Variants in ANGPT1 observed in about 807,000 individuals in gnomAD.
ANGPT1 encodes angiopoietin-1.
Under a neutral mutation model 62.2 loss-of-function variants are expected in ANGPT1, and 17 were observed. That is an observed-to-expected ratio of 0.27 (90% confidence interval 0.19 to 0.41). ANGPT1 has a LOEUF of 0.41. Among genes scored for constraint, ANGPT1 ranks in the 10% least tolerant of loss-of-function variants. The pLI is 1.00. For synonymous variants in ANGPT1, 199 were observed against 198.9 expected (o/e 1.00, Z 0.00); for missense variants, 478 against 594.9 (o/e 0.80, Z 2.04).
intron 1 of ANGPT1, among the ~76,000 whole-genome samples, chr8:107,449,882 C>T (rs1811723741): frequency 6.6e-6 from 1 of 152,042 alleles, no homozygotes; most frequent in African/African-American, 2.4e-5. Context: ...AACTTACTAT[C>T]AAATAATTTT....
intron 1 of ANGPT1, among the ~76,000 whole-genome samples, chr8:107,348,938 C>T (rs1432405269): frequency 6.6e-6 from 1 of 152,152 alleles, no homozygotes; most frequent in African/African-American, 2.4e-5. Context: ...AAAGACATCA[C>T]AAGCAAGGCC....
At chr8:107,494,327 T>A (rs1343765035) in intron 1 of ANGPT1, among the ~76,000 whole-genome samples, 1 of 152,124 alleles carries the variant, frequency 6.6e-6, no homozygotes, top group African/African-American at 2.4e-5. Context: ...TAGGGAGAGA[T>A]CATAAGAAAG....
At chr8:107,355,629 A>T (rs1465748206) in intron 1 of ANGPT1, among the ~76,000 whole-genome samples, 1 of 151,502 alleles carries the variant, frequency 6.6e-6, no homozygotes, top group Non-Finnish European at 1.5e-5. Flanking sequence ...ATGTCTTTGC[A>T]TATGACTTTG....
chr8:107,421,400 A>G (rs1810891800), intron 1 of ANGPT1, among the ~76,000 whole-genome samples: 1 of 152,208 alleles, frequency 6.6e-6, no homozygotes. Context: ...TTGTGAAGCT[A>G]TAAAGTATGA....
intron 5 of ANGPT1, among the ~76,000 whole-genome samples, chr8:107,296,113 ATT>A (rs1814409044): frequency 1.3e-5 from 2 of 152,152 alleles, no homozygotes; most frequent in Non-Finnish European, 2.9e-5. Flanking sequence ...GCTTAAAAGC[ATT>A]TGTTAATAGC....
chr8:107,309,166 C>T (rs1368595331), intron 4 of ANGPT1, among the ~76,000 whole-genome samples: 1 of 152,188 alleles, frequency 6.6e-6, no homozygotes, highest in Non-Finnish European at 1.5e-5. Flanking sequence ...GAAATCAGTT[C>T]TTCAATCGTT....
intron 1 of ANGPT1, among the ~76,000 whole-genome samples, chr8:107,422,833 C>G (rs187616504): frequency 6.6e-6 from 1 of 152,186 alleles, no homozygotes; most frequent in East Asian, 1.9e-4. Flanking sequence ...TGGTTTTACT[C>G]AAATATACAT....
At chr8:107,416,940 C>T (rs562983948) in intron 1 of ANGPT1, among the ~76,000 whole-genome samples, 3 of 151,866 alleles carry the variant, frequency 2.0e-5, no homozygotes, top group Admixed American at 6.6e-5. Flanking sequence ...TATAGGTATG[C>T]GCCACCATCT....
chr8:107,285,899 A>T (rs1814129136), intron 6 of ANGPT1, among the ~76,000 whole-genome samples: 1 of 152,144 alleles, frequency 6.6e-6, no homozygotes, highest in Non-Finnish European at 1.5e-5. Flanking sequence ...TCCAAAAACC[A>T]GTGAAGAGCT....
Position 107,251,743 on chromosome 8 carries a change from T to C in ANGPT1, c.*112A>G. 7.5e-7 allele frequency: 1 copy of C among 1,336,926 alleles called. No homozygotes were observed. Among genetic ancestry groups the C allele is most frequent in the Non-Finnish European group, 1.0e-6 (1 of 973,540 alleles). 82.8% of individuals were successfully genotyped at this position (1,336,926 alleles called of 1,614,324 possible). ...GGTGACTTCACATAACTACCACTTA[T>C]TGCTGGAAGGGAGACAATATTGTTT... On this transcript the variant is annotated 3_prime_UTR_variant, in exon 9 of 9. Coordinates refer to ENST00000517746, the MANE Select transcript of ANGPT1 (RefSeq NM_001146.5).
chr8:107,443,999 C>T (rs924664379), intron 1 of ANGPT1, among the ~76,000 whole-genome samples: 2 of 152,094 alleles, frequency 1.3e-5, no homozygotes, highest in African/African-American at 4.8e-5. Flanking sequence ...ATTTAGTATG[C>T]TTAATGGCAA....
In ANGPT1 at chr8:107,361,850, G is replaced by A. The variant is rs192101476; in HGVS notation, c.298-14753C>T. Among the ~76,000 whole-genome samples the A allele has an allele frequency of 7.2e-4, 110 of 152,128 alleles. 1 individual carries two copies. Among genetic ancestry groups the A allele is most frequent in the African/African-American group, 2.6e-3 (107 of 41,530 alleles). On this transcript the variant is annotated intron_variant, in intron 1 of 8. Coordinates refer to ENST00000517746, the MANE Select transcript of ANGPT1 (RefSeq NM_001146.5). ...AAGACAGGCAGATCACCTGAGGTCA[G>A]GAGTTCAAGACCAGCCTGGCCAACA...
At chr8:107,282,218 T>C (rs1363109075) in intron 7 of ANGPT1, among the ~76,000 whole-genome samples, 1 of 151,976 alleles carries the variant, frequency 6.6e-6, no homozygotes, top group Non-Finnish European at 1.5e-5. Flanking sequence ...CATGTCAACG[T>C]GAATCGTATA....
intron 4 of ANGPT1, 39 bp downstream of exon 4, chr8:107,321,856 TA>T: frequency 6.4e-7 from 1 of 1,567,862 alleles, no homozygotes; most frequent in Non-Finnish European, 8.8e-7. Flanking sequence ...TCAAAGGAAA[TA>T]AAATATTAAC....
At chr8:107,255,699 T>A (rs1192691491) in intron 8 of ANGPT1, among the ~76,000 whole-genome samples, 1 of 152,160 alleles carries the variant, frequency 6.6e-6, no homozygotes, top group East Asian at 1.9e-4. Context: ...TAAGGTCACA[T>A]TCATAATACA....
At chr8:107,436,166 A>G (rs1215941272) in intron 1 of ANGPT1, among the ~76,000 whole-genome samples, 1 of 152,194 alleles carries the variant, frequency 6.6e-6, no homozygotes, top group Non-Finnish European at 1.5e-5. Flanking sequence ...TTGGCCTCCC[A>G]AAGTGCTGGG....
At chr8:107,464,617 C>G (rs866294475) in intron 1 of ANGPT1, among the ~76,000 whole-genome samples, 5 of 152,034 alleles carry the variant, frequency 3.3e-5, no homozygotes, top group Admixed American at 2.6e-4. Context: ...GAATCACGCT[C>G]TCTGAATTTT....
intron 7 of ANGPT1, among the ~76,000 whole-genome samples, chr8:107,273,090 T>C (rs1813777093): frequency 6.6e-6 from 1 of 152,082 alleles, no homozygotes; most frequent in Non-Finnish European, 1.5e-5. Context: ...AGAGAGTTTA[T>C]GGGTTTTGCT....
intron 1 of ANGPT1, among the ~76,000 whole-genome samples, chr8:107,458,889 A>G (rs1811992318): frequency 6.6e-6 from 1 of 152,158 alleles, no homozygotes; most frequent in Non-Finnish European, 1.5e-5. Flanking sequence ...ACATACGACA[A>G]AACTAGGGCC....
Sources: allele counts gnomAD v4.1 joint callset (sites outside exome capture counted in the v4.1 genomes callset), GRCh38; gene constraint gnomAD v4.1.1; transcripts MANE v1.5; gene names NCBI Gene and HGNC (gene_info 2026-07-23, HGNC 2026-07-21).